Variants in TBK1 observed in about 807,000 individuals in gnomAD.
TBK1 encodes TANK binding kinase 1.
In TBK1, 37 loss-of-function variants were observed where a neutral mutation model predicts 99.9. The observed-to-expected ratio is 0.37, with a 90% CI of 0.28 to 0.49. The LOEUF (loss-of-function observed/expected upper bound fraction) is 0.49, where lower values mean the gene tolerates loss of function less well. Among genes scored for constraint, TBK1 ranks in the 20% least tolerant of loss-of-function variants. The pLI is 0.98. For synonymous variants in TBK1, 258 were observed against 279.8 expected, an observed-to-expected ratio of 0.92 and a Z score of 0.78; for missense variants, 644 against 872.5, an observed-to-expected ratio of 0.74 and a Z score of 3.30.
intron 5 of TBK1, among the ~76,000 whole-genome samples, chr12:64,472,868 AT>A (rs1437071516): frequency 6.6e-6 from 1 of 152,212 alleles, no homozygotes; most frequent in Non-Finnish European, 1.5e-5. Flanking sequence ...CCTGGGCTAC[AT>A]GTGGCCCACA....
Position 64,484,388 on chromosome 12 carries a change from G to T in TBK1, c.1078G>T (p.Val360Phe). ...QELIYEGRRL[V>F]LEPGRLAQHF... ...ACTTATCTACGAAGGGCGACGCTTA[G>T]TCTTAGAACCTGGAAGGCTGGCACA... is the stretch of plus-strand genomic sequence containing the variant. The change falls in exon 9 of 21, where the codon GTC (valine) becomes TTC (phenylalanine). Residue 360 changes from valine to phenylalanine, a missense_variant. Val to Phe is a conservative substitution (Grantham distance 50, BLOSUM62 -1). This residue lies in a region of TBK1 where 465 missense variants were observed against 588.0 expected (regional missense o/e 0.79). Transcript: ENST00000331710. The T allele has an allele frequency of 6.2e-7, 1 of 1,614,110 alleles. No homozygotes were observed. The highest frequency in any genetic ancestry group is 8.5e-7 in the Non-Finnish European group (1 of 1,180,000).
At chr12:64,453,214 A>T (rs2040446948) in intron 1 of TBK1, among the ~76,000 whole-genome samples, 1 of 152,194 alleles carries the variant, frequency 6.6e-6, no homozygotes. Context: ...TCCCCTGACC[A>T]CTATTGTGAT....
rs2136061146 is a variant in TBK1, at chr12:64,464,479, TATATG to T, written c.358+21_358+25del. ...CGAGATGTGGGTATGTTTGTTTATTTATATGATATCATTTGTATATAAAATTTAAT... is the reference window on the plus strand; with the variant it reads ...CGAGATGTGGGTATGTTTGTTTATTTATATCATTTGTATATAAAATTTAAT... On this transcript the variant is annotated intron_variant, in intron 4 of 20. Transcript: ENST00000331710. The T allele has an allele frequency of 6.5e-7, 1 of 1,535,296 alleles. No homozygotes were observed. The highest frequency in any genetic ancestry group is 2.3e-5 in the East Asian group (1 of 43,808).
intron 3 of TBK1, 61 bp downstream of exon 3, chr12:64,460,390 A>C: frequency 7.6e-7 from 1 of 1,308,478 alleles, no homozygotes; most frequent in Non-Finnish European, 1.0e-6. Flanking sequence ...ATAGAACCTA[A>C]TATTAAAAAA....
At position 64,474,388 on chromosome 12, in the gene TBK1, G is replaced by A. The variant is rs1271598191; in HGVS notation, c.699G>A (p.Val233=). ...AAGGGCCTCGTAGGAATAAAGAAGT[G>A]ATGTAAGTGGTTTCCCGATCTAAAA... The part of the protein sequence containing the change: ...PFEGPRRNKE[V]MYKIITGKPS... The change falls in exon 6 of 21, where the codon GTG becomes GTA. Residue 233 remains valine, a splice_region_variant and synonymous_variant. Coordinates refer to ENST00000331710, the MANE Select transcript of TBK1 (RefSeq NM_013254.4). 2 of 1,603,778 alleles carry A rather than the reference G, an allele frequency of 1.2e-6. No individual in the cohort carries two copies. Among genetic ancestry groups the A allele is most frequent in the Non-Finnish European group, 1.7e-6 (2 of 1,176,126 alleles).
intron 6 of TBK1, among the ~76,000 whole-genome samples, chr12:64,475,144 AAAT>A (rs2040698620): frequency 6.6e-6 from 1 of 152,200 alleles, no homozygotes; most frequent in Non-Finnish European, 1.5e-5. Flanking sequence ...AGAAAATTAA[AAAT>A]AACATTTTGG....
intron 11 of TBK1, among the ~76,000 whole-genome samples, chr12:64,487,726 T>C (rs2040833151): frequency 6.6e-6 from 1 of 152,364 alleles, no homozygotes. Flanking sequence ...ATCAGTCTAA[T>C]ATTTTAGACT....
chr12:64,496,824 G>A (rs1161441879), intron 16 of TBK1, 125 bp from the exon 17 acceptor site: 1 of 647,606 alleles, frequency 1.5e-6, no homozygotes, highest in Non-Finnish European at 2.6e-6. Flanking sequence ...ACTTTCTCCT[G>A]TAAATATTCT....
At chr12:64,472,720 C>A (rs1219308043) in intron 5 of TBK1, among the ~76,000 whole-genome samples, 2 of 152,080 alleles carry the variant, frequency 1.3e-5, no homozygotes, top group African/African-American at 2.4e-5. Flanking sequence ...TTGTCTTGGG[C>A]CACATATAAA....
At chr12:64,476,855 G>T (rs1196938060) in intron 6 of TBK1, among the ~76,000 whole-genome samples, 1 of 152,144 alleles carries the variant, frequency 6.6e-6, no homozygotes, top group Non-Finnish European at 1.5e-5. Context: ...TATATGGTAA[G>T]AGGTAGGGGT....
chr12:64,489,920 G>T, intron 12 of TBK1, 121 bp from the exon 13 acceptor site: 2 of 640,740 alleles, frequency 3.1e-6, no homozygotes, highest in South Asian at 2.8e-5. Context: ...TATAGACTTT[G>T]AATCAATTTT....
chr12:64,466,330 T>C (rs1384451894), intron 4 of TBK1, among the ~76,000 whole-genome samples: 3 of 152,116 alleles, frequency 2.0e-5, no homozygotes, highest in Non-Finnish European at 4.4e-5. Context: ...TTCAGCAAAG[T>C]AGACAACTTT....
chr12:64,486,598 C>T (rs1040565138), intron 11 of TBK1, among the ~76,000 whole-genome samples: 1 of 149,388 alleles, frequency 6.7e-6, no homozygotes, highest in African/African-American at 2.5e-5. Context: ...CCACACCCAG[C>T]TAATTTTTTT....
chr12:64,497,214 T>A lies in TBK1; in HGVS notation c.1914T>A (p.Phe638Leu). The change falls in exon 18 of 21, where the codon TTT becomes TTA. Residue 638 changes from phenylalanine to leucine, a missense_variant. This residue lies in a region of TBK1 where 465 missense variants were observed against 588.0 expected (regional missense o/e 0.79). Transcript: ENST00000331710. ...TATTATCGCTGACTAATCAGTGTTT[T>A]GATATTGAAGAAGAAGTATCAAAAT... ...KQLLSLTNQCFDIEEEVSKYQ... is the reference protein window; with the variant it reads ...KQLLSLTNQCLDIEEEVSKYQ... 1 of 1,598,942 alleles carries A rather than the reference T, an allele frequency of 6.3e-7. No individual in the cohort carries two copies. Among genetic ancestry groups the A allele is most frequent in the Admixed American group, 1.7e-5 (1 of 57,900 alleles).
intron 13 of TBK1, among the ~76,000 whole-genome samples, chr12:64,492,510 T>C (rs894186833): frequency 6.6e-6 from 1 of 152,062 alleles, no homozygotes; most frequent in African/African-American, 2.4e-5. Flanking sequence ...TTCTCCATGT[T>C]GGTCAGGCTG....
At chr12:64,487,241 T>G (rs1227978406) in intron 11 of TBK1, among the ~76,000 whole-genome samples, 2 of 152,238 alleles carry the variant, frequency 1.3e-5, no homozygotes, top group African/African-American at 4.8e-5. Context: ...TTTTGAATTT[T>G]GCGTACACAT....
At chr12:64,477,844 A>G (rs890470484) in intron 6 of TBK1, among the ~76,000 whole-genome samples, 1 of 152,154 alleles carries the variant, frequency 6.6e-6, no homozygotes, top group African/African-American at 2.4e-5. Flanking sequence ...ATGTATTGCC[A>G]TAATTATTAT....
intron 7 of TBK1, among the ~76,000 whole-genome samples, chr12:64,480,943 T>C (rs1435537662): frequency 6.6e-6 from 1 of 152,164 alleles, no homozygotes; most frequent in Non-Finnish European, 1.5e-5. Context: ...ATATCACTTA[T>C]CATTTTATAT....
chr12:64,466,054 T>C (rs2136062773), intron 4 of TBK1, among the ~76,000 whole-genome samples: 1 of 152,278 alleles, frequency 6.6e-6, no homozygotes, highest in Middle Eastern at 3.4e-3. Context: ...TTCTTGAACT[T>C]GTCACTGGAA....
Sources: gnomAD v4.1 joint callset for allele counts (sites outside exome capture counted in the v4.1 genomes callset) on GRCh38, gnomAD v4.1.1 for gene constraint, gnomAD v4.1.1 regional missense constraint, MANE v1.5 for transcripts, NCBI Gene and HGNC (gene_info 2026-07-23, HGNC 2026-07-21) for gene names.